Variants in CCAR1 observed in about 807,000 individuals in gnomAD.
The protein encoded by CCAR1 is cell division cycle and apoptosis regulator 1, also known as cell division cycle and apoptosis regulator protein 1.
CCAR1 carries 78 observed loss-of-function variants against 163.8 expected under a neutral mutation model. The ratio of observed to expected loss-of-function variants is 0.48; its 90% CI spans 0.40 to 0.57. The LOEUF is 0.57. Ranked by LOEUF, CCAR1 falls within the 20% of genes least tolerant of loss-of-function variation. CCAR1 has a pLI of 0.00. For synonymous variants in CCAR1, 443 were observed against 460.7 expected (o/e 0.96, Z 0.49); for missense variants, 1,019 against 1,365.2 (o/e 0.75, Z 4.00).
In CCAR1 at chr10:68,776,701, T is replaced by G. The variant is rs1436063012; in HGVS notation, c.2650+3602T>G. Reference sequence around the variant, plus strand: ...CTGAGTGGCTGGGACTACAGGTGCATGCCATTGCACCCAGCTGTTTAATTT... The same window carrying G: ...CTGAGTGGCTGGGACTACAGGTGCAGGCCATTGCACCCAGCTGTTTAATTT... On this transcript the variant is annotated intron_variant, in intron 19 of 24. Coordinates refer to ENST00000265872, the MANE Select transcript of CCAR1 (RefSeq NM_018237.4). Among the ~76,000 whole-genome samples the G allele has an allele frequency of 2.6e-5, 4 of 152,200 alleles. No homozygotes were observed. In the East Asian group the frequency reaches 7.7e-4, roughly 29 times the overall value.
intron 9 of CCAR1, 100 bp from the exon 10 acceptor site, chr10:68,749,424 A>G: frequency 1.6e-6 from 2 of 1,253,214 alleles, no homozygotes; most frequent in South Asian, 1.6e-5. Context: ...AAACAAATAT[A>G]CTGTGGATTC....
intron 4 of CCAR1, among the ~76,000 whole-genome samples, chr10:68,739,117 T>C (rs1258005783): frequency 2.6e-5 from 4 of 152,192 alleles, no homozygotes; most frequent in East Asian, 1.9e-4. Context: ...AATACAGATA[T>C]GCTTTAGTCT....
At chr10:68,789,365 G>T (rs2056829130) in intron 23 of CCAR1, among the ~76,000 whole-genome samples, 2 of 151,876 alleles carry the variant, frequency 1.3e-5, no homozygotes, top group East Asian at 2.0e-4. Flanking sequence ...GCCGAGGCAG[G>T]CAGATTGTTT....
chr10:68,725,720 T>A (rs914278158), intron 2 of CCAR1, among the ~76,000 whole-genome samples: 1 of 152,192 alleles, frequency 6.6e-6, no homozygotes, highest in Non-Finnish European at 1.5e-5. Context: ...GCTTAAAATA[T>A]CTTTTTTAAT....
chr10:68,763,016 T>C (rs545285352), intron 16 of CCAR1, among the ~76,000 whole-genome samples: 57 of 152,330 alleles, frequency 3.7e-4, no homozygotes, highest in African/African-American at 1.3e-3. Flanking sequence ...CATTAGATAA[T>C]ATTAAAGCAG....
intron 15 of CCAR1, among the ~76,000 whole-genome samples, chr10:68,758,544 G>A (rs868075608): frequency 4.6e-4 from 63 of 137,922 alleles, no homozygotes; most frequent in African/African-American, 1.6e-3. Context: ...GTGTGTGTGT[G>A]TATACAGTGT....
chr10:68,789,727 A>G lies in CCAR1; in HGVS notation c.3205A>G (p.Ile1069Val), dbSNP rs376412284. Residue 1069 changes from isoleucine to valine, a missense_variant, in exon 24 of 25, where the codon ATA becomes GTA. Physicochemically the swap from Ile to Val is conservative, Grantham distance 29. This residue lies in a region of CCAR1 where 358 missense variants were observed against 406.4 expected (regional missense o/e 0.88). Coordinates refer to ENST00000265872, the MANE Select transcript of CCAR1 (RefSeq NM_018237.4). ...TTAAACAGATGAAGATGAAAAAACC[A>G]TATTAAATTTGGAGAATTCCAACAA... ...EEKTDEDEKT[I>V]LNLENSNKSL... 3.4e-5 allele frequency: 54 copies of G among 1,576,638 alleles called. No homozygotes were observed. Among genetic ancestry groups the G allele is most frequent in the Non-Finnish European group, 4.2e-5 (49 of 1,166,774 alleles).
At chr10:68,786,924 A>G in intron 21 of CCAR1, 1 of 318,972 alleles carries the variant, frequency 3.1e-6, no homozygotes, top group Non-Finnish European at 5.7e-6. Flanking sequence ...GTCTCTACTA[A>G]AAATGCAAAA....
At chr10:68,779,605 G>C (rs2056711275) in intron 19 of CCAR1, among the ~76,000 whole-genome samples, 1 of 152,080 alleles carries the variant, frequency 6.6e-6, no homozygotes, top group East Asian at 1.9e-4. Context: ...TTAAATGAAA[G>C]GTAACACAGT....
In CCAR1 at chr10:68,736,860, T is replaced by G. The variant is rs940137375; in HGVS notation, c.74-16T>G. ...TAATCTTGATTTTTATTTTTTCCTT[T>G]TTGATTTCATTTTAGCTGCACTGGG... On this transcript the variant is annotated splice_polypyrimidine_tract_variant and intron_variant, in intron 2 of 24. Coordinates refer to ENST00000265872, the MANE Select transcript of CCAR1 (RefSeq NM_018237.4). 1 of 1,585,568 alleles carries G rather than the reference T, an allele frequency of 6.3e-7. No homozygotes were observed. Among genetic ancestry groups the G allele is most frequent in the African/African-American group, 1.4e-5 (1 of 73,232 alleles).
At chr10:68,742,978 G>A (rs1406642989) in intron 6 of CCAR1, among the ~76,000 whole-genome samples, 1 of 151,842 alleles carries the variant, frequency 6.6e-6, no homozygotes, top group Non-Finnish European at 1.5e-5. Context: ...GGTTGCCAAG[G>A]CTGGAGTGCA....
At chr10:68,779,395 A>G (rs546662228) in intron 19 of CCAR1, among the ~76,000 whole-genome samples, 119 of 151,656 alleles carry the variant, frequency 7.8e-4, no homozygotes, top group Non-Finnish European at 1.4e-3. Context: ...AGTAGCTTAG[A>G]TTACAGACAT....
intron 16 of CCAR1, 55 bp downstream of exon 16, chr10:68,761,247 G>A (rs1564543208): frequency 3.1e-6 from 3 of 960,542 alleles, no homozygotes; most frequent in Non-Finnish European, 4.3e-6. Context: ...TGTATAGGGT[G>A]TTCTTGGAAT....
chr10:68,737,534 A>C (rs946738945), intron 3 of CCAR1, among the ~76,000 whole-genome samples: 2 of 151,928 alleles, frequency 1.3e-5, no homozygotes, highest in African/African-American at 4.8e-5. Flanking sequence ...TGAATAGTCA[A>C]AATTTTTAAG....
chr10:68,782,799 T>C (rs1374015360), intron 19 of CCAR1, among the ~76,000 whole-genome samples: 1 of 152,184 alleles, frequency 6.6e-6, no homozygotes, highest in African/African-American at 2.4e-5. Context: ...TCCTTTATCA[T>C]GTAACCGACG....
At chr10:68,761,238 G>A (rs1441737332) in intron 16 of CCAR1, 46 bp downstream of exon 16, 9 of 1,077,378 alleles carry the variant, frequency 8.4e-6, no homozygotes, top group Non-Finnish European at 1.1e-5. Context: ...TAATATTCAT[G>A]TATAGGGTGT....
chr10:68,758,954 G>C (rs1166060872), intron 15 of CCAR1, among the ~76,000 whole-genome samples: 3 of 152,024 alleles, frequency 2.0e-5, no homozygotes, highest in Admixed American at 2.0e-4. Context: ...TTACAGATGT[G>C]ATCCTCCTCC....
intron 15 of CCAR1, among the ~76,000 whole-genome samples, chr10:68,758,544 G>GTGTA (rs1491587718): frequency 3.6e-5 from 5 of 137,922 alleles, no homozygotes; most frequent in African/African-American, 8.6e-5. Context: ...GTGTGTGTGT[G>GTGTA]TATACAGTGT....
chr10:68,741,987 G>C (rs1433603534), intron 5 of CCAR1, among the ~76,000 whole-genome samples: 1 of 152,108 alleles, frequency 6.6e-6, no homozygotes, highest in Non-Finnish European at 1.5e-5. Flanking sequence ...AAAAACAATA[G>C]AAGTTCTTTT....
Sources: allele counts gnomAD v4.1 joint callset (sites outside exome capture counted in the v4.1 genomes callset), GRCh38; gene constraint gnomAD v4.1.1; regional missense constraint gnomAD v4.1.1; transcripts MANE v1.5; gene names NCBI Gene and HGNC (gene_info 2026-07-23, HGNC 2026-07-21).